Variants in CDH12 observed in about 807,000 individuals in gnomAD.
The protein encoded by CDH12 is cadherin 12.
CDH12 carries 41 observed loss-of-function variants against 74.1 expected under a neutral mutation model. The observed-to-expected ratio is 0.55, with a 90% CI of 0.43 to 0.72. The LOEUF is 0.72. Ranked by LOEUF, CDH12 falls within the 30% of genes least tolerant of loss-of-function variation. CDH12 has a pLI of 0.00. For synonymous variants in CDH12, 399 were observed against 355.0 expected (o/e 1.12, Z -1.39); for missense variants, 945 against 977.2 (o/e 0.97, Z 0.44).
rs58951425 is a variant in CDH12, at chr5:22,797,183, TAAA to T, written c.-523+55872_-523+55874del. ...CCCATGAATGGGATCAGTGCCTTTATAAAAAAAAAAAAAAAAAAAAAAAGATCC... is the reference window on the plus strand; with the variant it reads ...CCCATGAATGGGATCAGTGCCTTTATAAAAAAAAAAAAAAAAAAAAGATCC... On this transcript the variant is annotated intron_variant, in intron 1 of 14. Coordinates refer to ENST00000382254, the MANE Select transcript of CDH12 (RefSeq NM_004061.5). 9.8e-3 allele frequency among the ~76,000 whole-genome samples: 843 copies of T among 86,268 alleles called. 8 individuals are homozygous for T. The highest frequency in any genetic ancestry group is 0.03 in the African/African-American group (807 of 27,206). 56.6% of individuals were successfully genotyped at this position (86,268 alleles called of 152,430 possible). A position where few individuals can be genotyped will look rare whatever the true frequency, so the allele number is the denominator to read the frequency against.
intron 6 of CDH12, among the ~76,000 whole-genome samples, chr5:21,882,101 A>G (rs1328307701): frequency 1.3e-5 from 2 of 152,240 alleles, no homozygotes; most frequent in African/African-American, 4.8e-5. Flanking sequence ...AATTAGAGCC[A>G]ATGTTCAGGT....
chr5:22,131,405 C>A (rs949387865), intron 4 of CDH12, among the ~76,000 whole-genome samples: 3 of 152,114 alleles, frequency 2.0e-5, no homozygotes, highest in African/African-American at 7.2e-5. Context: ...CCTAACCCAA[C>A]TTGGCTCCAT....
At chr5:22,175,424 C>A (rs960058469) in intron 4 of CDH12, among the ~76,000 whole-genome samples, 1 of 151,562 alleles carries the variant, frequency 6.6e-6, no homozygotes, top group Non-Finnish European at 1.5e-5. Context: ...AGTTCAGGAT[C>A]AAACAGAAAG....
chr5:21,839,637 C>G (rs1198143651), intron 8 of CDH12, among the ~76,000 whole-genome samples: 2 of 152,014 alleles, frequency 1.3e-5, no homozygotes, highest in Non-Finnish European at 2.9e-5. Context: ...GAAAAACTTA[C>G]ATATAGCCAA....
chr5:22,305,612 C>T (rs1032467171), intron 3 of CDH12, among the ~76,000 whole-genome samples: 2 of 151,972 alleles, frequency 1.3e-5, no homozygotes, highest in African/African-American at 2.4e-5. Flanking sequence ...GAATGCAGGC[C>T]GCCCTAGGGA....
chr5:22,147,302 A>G (rs1338922438), intron 4 of CDH12, among the ~76,000 whole-genome samples: 1 of 152,096 alleles, frequency 6.6e-6, no homozygotes, highest in Non-Finnish European at 1.5e-5. Flanking sequence ...CTCAGTTTAT[A>G]ATGCATTCTT....
chr5:21,866,099 C>A (rs1751312548), intron 6 of CDH12, among the ~76,000 whole-genome samples: 1 of 152,334 alleles, frequency 6.6e-6, no homozygotes, highest in Admixed American at 6.5e-5. Flanking sequence ...ACATGCCTTT[C>A]ACCTTCCACC....
intron 1 of CDH12, among the ~76,000 whole-genome samples, chr5:22,562,271 C>T (rs892299750): frequency 1.4e-4 from 21 of 152,134 alleles, no homozygotes; most frequent in African/African-American, 5.1e-4. Context: ...GAGCCGAGAT[C>T]CCGCCACTGC....
chr5:21,802,138 C>T (rs754270824), intron 10 of CDH12, 29 bp downstream of exon 10: 36 of 1,586,332 alleles, frequency 2.3e-5, no homozygotes, highest in Non-Finnish European at 3.0e-5. Context: ...TTTCCTGAAA[C>T]ATAGAAAAAA....
At chr5:22,421,493 C>T (rs1161264595) in intron 2 of CDH12, among the ~76,000 whole-genome samples, 1 of 152,108 alleles carries the variant, frequency 6.6e-6, no homozygotes, top group African/African-American at 2.4e-5. Context: ...CAGCTTCATC[C>T]ATATCCCTGC....
chr5:21,857,635 A>G (rs1579845717), intron 6 of CDH12, among the ~76,000 whole-genome samples: 2 of 152,080 alleles, frequency 1.3e-5, no homozygotes, highest in East Asian at 3.9e-4. Flanking sequence ...ATCATTGAGT[A>G]TGACAGAACT....
At chr5:21,993,583 A>G (rs1030562744) in intron 5 of CDH12, among the ~76,000 whole-genome samples, 4 of 152,200 alleles carry the variant, frequency 2.6e-5, no homozygotes, top group African/African-American at 9.7e-5. Flanking sequence ...CCCAGCTCAC[A>G]GCTGGCAGTA....
chr5:22,394,358 C>T (rs970638834), intron 3 of CDH12, among the ~76,000 whole-genome samples: 1 of 151,886 alleles, frequency 6.6e-6, no homozygotes, highest in South Asian at 2.1e-4. Context: ...CCAAAAGGAA[C>T]GTAAGATGAT....
chr5:22,140,768 G>A (rs1200624345), intron 4 of CDH12, among the ~76,000 whole-genome samples: 1 of 152,170 alleles, frequency 6.6e-6, no homozygotes, highest in Admixed American at 6.5e-5. Context: ...GGACACACAG[G>A]TCACCAAGGA....
At chr5:22,269,101 C>A (rs1278630495) in intron 3 of CDH12, among the ~76,000 whole-genome samples, 1 of 152,086 alleles carries the variant, frequency 6.6e-6, no homozygotes, top group Non-Finnish European at 1.5e-5. Context: ...ATCTTCTATG[C>A]AAGCTTTCTG....
chr5:22,352,253 A>G (rs1740386492), intron 3 of CDH12, among the ~76,000 whole-genome samples: 1 of 151,932 alleles, frequency 6.6e-6, no homozygotes, highest in Non-Finnish European at 1.5e-5. Flanking sequence ...AATCGAATCC[A>G]TTCTTGTCTA....
chr5:22,491,918 T>A (rs191868292), intron 2 of CDH12, among the ~76,000 whole-genome samples: 2 of 152,320 alleles, frequency 1.3e-5, no homozygotes, highest in African/African-American at 4.8e-5. Flanking sequence ...TCTCTCTGTG[T>A]CTGTGGCCAA....
intron 2 of CDH12, among the ~76,000 whole-genome samples, chr5:22,452,775 G>T (rs1163259827): frequency 6.9e-6 from 1 of 145,976 alleles, no homozygotes; most frequent in Non-Finnish European, 1.5e-5. Context: ...AATCAACAGA[G>T]CAAAGATACA....
At chr5:22,406,714 C>T (rs1027867115) in intron 2 of CDH12, among the ~76,000 whole-genome samples, 1 of 151,948 alleles carries the variant, frequency 6.6e-6, no homozygotes, top group African/African-American at 2.4e-5. Flanking sequence ...AGTAGCTAAG[C>T]ATGTGGTAAT....
Sources: gnomAD v4.1 joint callset for allele counts (sites outside exome capture counted in the v4.1 genomes callset) on GRCh38, gnomAD v4.1.1 for gene constraint, MANE v1.5 for transcripts, NCBI Gene and HGNC (gene_info 2026-07-23, HGNC 2026-07-21) for gene names.